Variants in MAPKBP1 observed in about 807,000 individuals in gnomAD.
MAPKBP1 encodes mitogen-activated protein kinase-binding protein 1.
A neutral mutation model predicts 170.5 loss-of-function variants in MAPKBP1; 71 were observed. That is an observed-to-expected ratio of 0.42 (90% CI 0.34 to 0.51). The LOEUF is 0.51. Ranked by LOEUF, MAPKBP1 falls within the 20% of genes least tolerant of loss-of-function variation. The pLI is 0.06. For missense variants in MAPKBP1, 1,598 were observed against 1,933.0 expected (o/e 0.83, Z 3.25); for synonymous variants, 719 against 757.9 (o/e 0.95, Z 0.84).
chr15:41,797,896 C>T (rs2064518632), intron 2 of MAPKBP1, among the ~76,000 whole-genome samples: 1 of 152,120 alleles, frequency 6.6e-6, no homozygotes, highest in Non-Finnish European at 1.5e-5. Context: ...TGGTCTTCGG[C>T]CACCACAGGG....
intron 12 of MAPKBP1, chr15:41,816,178 G>A (rs2064887911): frequency 3.1e-6 from 1 of 327,688 alleles, no homozygotes; most frequent in African/African-American, 2.1e-5. Context: ...TGAAAAGTAA[G>A]GAAAGACCAG....
Position 41,818,349 on chromosome 15 carries a change from A to G in MAPKBP1, c.2092+44A>G, listed in dbSNP as rs1052905613. 2.0e-6 allele frequency: 3 copies of G among 1,536,612 alleles called. No homozygotes were observed. In the African/African-American group the frequency reaches 4.1e-5, roughly 21 times the overall value. On this transcript the variant is annotated intron_variant, in intron 18 of 30. Transcript: ENST00000457542. This position sits in a 1 kb window ranked among gnomAD's most constrained non-coding sequence, Gnocchi z 5.2. ...CCCGAGTAGAAGCTGATACCTGCGTAAACCTGAGTGAGTTCCACCCCTGGA... is the reference window on the plus strand; with the variant it reads ...CCCGAGTAGAAGCTGATACCTGCGTGAACCTGAGTGAGTTCCACCCCTGGA...
At chr15:41,786,777 A>AAAAAAT in intron 2 of MAPKBP1, among the ~76,000 whole-genome samples, 17 of 32,450 alleles carry the variant, frequency 5.2e-4, no homozygotes, top group African/African-American at 1.6e-3. Context: ...AAAAAAAAAA[A>AAAAAAT]ATATATATAT....
At position 41,816,928 on chromosome 15, in the gene MAPKBP1, C is replaced by T. The variant is rs144820975; in HGVS notation, c.1604C>T (p.Ser535Leu). Reference sequence around the variant, plus strand: ...TCCCCAGGTCTGAAACTGCTAGCATCGGCGAGCCGGGACCGGCTGATCCAT... The same window carrying T: ...TCCCCAGGTCTGAAACTGCTAGCATTGGCGAGCCGGGACCGGCTGATCCAT... ...KPDTGLKLLA[S>L]ASRDRLIHVL... Residue 535 changes from serine to leucine, a missense_variant, in exon 14 of 31, where the codon TCG (serine) becomes TTG (leucine). Ser to Leu is a moderately radical substitution (Grantham distance 145). Transcript: ENST00000457542. The T allele has an allele frequency of 1.2e-6, 2 of 1,609,712 alleles. No individual in the cohort carries two copies. The highest frequency in any genetic ancestry group is 2.2e-5 in the East Asian group (1 of 44,834).
intron 3 of MAPKBP1, among the ~76,000 whole-genome samples, chr15:41,804,024 G>A (rs2064648225): frequency 6.6e-6 from 1 of 152,164 alleles, no homozygotes; most frequent in Non-Finnish European, 1.5e-5. Context: ...ATTTTTAGTA[G>A]AGATGGGGTT....
chr15:41,799,660 G>T lies in MAPKBP1; in HGVS notation c.115-163G>T, dbSNP rs78480115. ...TTTTTCCCGTGTGATCAAGAAGCCC[G>T]GTGGGCAGAACAGAAGAAGCTGCAG... On this transcript the variant is annotated intron_variant, in intron 2 of 30. Coordinates refer to ENST00000457542, the MANE Select transcript of MAPKBP1 (RefSeq NM_014994.3). Among the ~76,000 whole-genome samples the T allele has an allele frequency of 4.5e-3, 679 of 152,282 alleles. 5 individuals are homozygous for T. The highest frequency in any genetic ancestry group is 0.015 in the African/African-American group (609 of 41,556).
rs564247095 is a variant in MAPKBP1 at position 41,797,777 on chromosome 15, G to A, written c.115-2046G>A. 2.3e-4 allele frequency among the ~76,000 whole-genome samples: 35 copies of A among 152,282 alleles called. No homozygotes were observed. The South Asian group carries it at 6.6e-3, about 29-fold the overall frequency. On this transcript the variant is annotated intron_variant, in intron 2 of 30. Transcript: ENST00000457542. The stretch of plus-strand genomic sequence containing the variant: ...CTGTATTGAAACCACATCTACCAGT[G>A]AGCAGACACATGTTAGAATTCCTCA...
intron 2 of MAPKBP1, among the ~76,000 whole-genome samples, chr15:41,793,333 A>G (rs532872222): frequency 6.6e-6 from 1 of 152,226 alleles, no homozygotes; most frequent in African/African-American, 2.4e-5. Context: ...TAAAAATACA[A>G]AAAATTAGCC....
At position 41,819,548 on chromosome 15, in the gene MAPKBP1, G is replaced by A. The variant is rs200452979; in HGVS notation, c.2426-47G>A. ...GGCCAGGGCTCCAGGGTTGGGTGGC[G>A]GGGGGGGGGCAGGAGACACTTCCTC... On this transcript the variant is annotated intron_variant, in intron 21 of 30. Coordinates refer to ENST00000457542, the MANE Select transcript of MAPKBP1 (RefSeq NM_014994.3). The A allele has an allele frequency of 8.9e-4, 882 of 993,392 alleles. 39 individuals carry two copies. In the African/African-American group the frequency reaches 0.036, roughly 41 times the overall value. The allele number at this position is 993,392 out of a possible 1,614,324, so 61.5% of individuals were successfully genotyped here. A position where few individuals can be genotyped will look rare whatever the true frequency, so the allele number is the denominator to read the frequency against.
At chr15:41,793,852 T>C (rs1001953194) in intron 2 of MAPKBP1, among the ~76,000 whole-genome samples, 1 of 152,174 alleles carries the variant, frequency 6.6e-6, no homozygotes, top group Non-Finnish European at 1.5e-5. Flanking sequence ...GAAAGAGGGG[T>C]ACTCACGATG....
rs1339287608 is a variant in MAPKBP1 at position 41,827,766 on chromosome 15, ATCC to A, written c.*2333_*2335del. On this transcript the variant is annotated 3_prime_UTR_variant, in exon 31 of 31. Transcript: ENST00000457542. ...TGCAGGTCGCGGCGCTTCCTGCCTC[ATCC>A]TCGGCTGCATGGGGCGGGGGCGCTG... is the stretch of plus-strand genomic sequence containing the variant. 2 of 224,230 alleles carry A rather than the reference ATCC, an allele frequency of 8.9e-6. No homozygotes were observed. The highest frequency in any genetic ancestry group is 1.7e-5 in the Non-Finnish European group (2 of 115,196). The allele number at this position is 224,230 out of a possible 1,614,324, so 13.9% of individuals were successfully genotyped here. A position where few individuals can be genotyped will look rare whatever the true frequency, so the allele number is the denominator to read the frequency against.
In MAPKBP1 at chr15:41,823,671, C is replaced by T. The variant is rs747937020; in HGVS notation, c.3823C>T (p.Arg1275Ter). The change falls in exon 29 of 31, where the codon CGA becomes TGA. Residue 1275 changes from arginine (R) to a stop codon, truncating the protein, a stop_gained. Transcript: ENST00000457542. LOFTEE classifies it high-confidence loss of function. ...VAEPQAHAPI[R>*]VSPLSKLALP... The stretch of plus-strand genomic sequence containing the variant: ...TGAACCTCAAGCTCATGCCCCCATC[C>T]GAGTCTCACCACTCAGCAAGCTGGC... 8 of 1,614,062 alleles carry T rather than the reference C, an allele frequency of 5.0e-6. No homozygotes were observed. The highest frequency in any genetic ancestry group is 1.7e-5 in the Admixed American group (1 of 60,002).
At chr15:41,808,335 G>A (rs1211516433) in intron 3 of MAPKBP1, among the ~76,000 whole-genome samples, 2 of 151,538 alleles carry the variant, frequency 1.3e-5, no homozygotes, top group Non-Finnish European at 2.9e-5. Flanking sequence ...TCGATCTCCT[G>A]ACCTCGTGAT....
intron 22 of MAPKBP1, 80 bp from the exon 23 acceptor site, chr15:41,820,752 A>C (rs2064980892): frequency 2.9e-6 from 3 of 1,032,434 alleles, no homozygotes; most frequent in Non-Finnish European, 2.9e-6. Flanking sequence ...TGCCAGGCAC[A>C]TAGTAAGGGA....
chr15:41,818,750 T>C lies in MAPKBP1; in HGVS notation c.2157-73T>C, dbSNP rs2064934738. ...GTGGCTCTGGTCTCCTTGCCATCCA[T>C]GGATAAGGGGAACGAATGGCGCTAG... is the stretch of plus-strand genomic sequence containing the variant. On this transcript the variant is annotated intron_variant, in intron 19 of 30. Coordinates refer to ENST00000457542, the MANE Select transcript of MAPKBP1 (RefSeq NM_014994.3). This position sits in a 1 kb window ranked among gnomAD's most constrained non-coding sequence, Gnocchi z 5.2. 3.1e-6 allele frequency: 5 copies of C among 1,590,900 alleles called. No homozygotes were observed. Among genetic ancestry groups the C allele is most frequent in the South Asian group, 1.1e-5 (1 of 88,988 alleles).
At chr15:41,810,582 G>A (rs2064786130) in intron 3 of MAPKBP1, 1 of 362,282 alleles carries the variant, frequency 2.8e-6, no homozygotes, top group Non-Finnish European at 4.9e-6. Flanking sequence ...TAGCTTGCAT[G>A]GTGGCACATG....
At chr15:41,789,138 T>C (rs1401391694) in intron 2 of MAPKBP1, among the ~76,000 whole-genome samples, 1 of 152,178 alleles carries the variant, frequency 6.6e-6, no homozygotes, top group Non-Finnish European at 1.5e-5. Flanking sequence ...GAACAGTTAA[T>C]ATTCTCACTG....
At chr15:41,786,859 T>C (rs2064307106) in intron 2 of MAPKBP1, among the ~76,000 whole-genome samples, 1 of 145,932 alleles carries the variant, frequency 6.9e-6, no homozygotes, top group Admixed American at 6.9e-5. Context: ...AAAAATATTT[T>C]CTTGAAGATT....
chr15:41,825,389 G>A lies in MAPKBP1; in HGVS notation c.4480G>A (p.Glu1494Lys), dbSNP rs1367854378. The A allele has an allele frequency of 1.2e-6, 2 of 1,613,242 alleles. No individual in the cohort carries two copies. The highest frequency in any genetic ancestry group is 1.7e-6 in the Non-Finnish European group (2 of 1,179,736). The change falls in exon 31 of 31, where the codon GAA becomes AAA. Residue 1494 changes from glutamate (E) to lysine (K), a missense_variant. Glu to Lys is a moderately conservative substitution (Grantham distance 56). Transcript: ENST00000457542. ...ACAGGCCCTGCTGGAGCAATACTCAGAACTGTTGCTTCGAGCCGTGGAACG... is the reference window on the plus strand; with the variant it reads ...ACAGGCCCTGCTGGAGCAATACTCAAAACTGTTGCTTCGAGCCGTGGAACG... ...QTQALLEQYS[E>K]LLLRAVERRM...
Sources: allele counts gnomAD v4.1 joint callset (sites outside exome capture counted in the v4.1 genomes callset), GRCh38; gene constraint gnomAD v4.1.1; non-coding constraint Gnocchi (gnomAD v3.1); transcripts MANE v1.5; gene names NCBI Gene and HGNC (gene_info 2026-07-23, HGNC 2026-07-21).